Variants in UPB1 observed in about 807,000 individuals in gnomAD.
UPB1 encodes the protein beta-ureidopropionase 1, also known as beta-ureidopropionase.
A neutral mutation model predicts 49.1 loss-of-function variants in UPB1; 40 were observed. The observed-to-expected ratio is 0.81, with a 90% CI of 0.63 to 1.06. UPB1 has a LOEUF of 1.06. Ranked by LOEUF, UPB1 falls within the 50% of genes least tolerant of loss-of-function variation. The pLI, the probability that UPB1 is intolerant of heterozygous loss-of-function variation, is 0.00. For missense variants in UPB1, 499 were observed against 505.9 expected (o/e 0.99, Z 0.13); for synonymous variants, 207 against 198.2 (o/e 1.04, Z -0.38).
At position 24,515,260 on chromosome 22, in the gene UPB1, G is replaced by A. The variant is rs1347848752; in HGVS notation, c.681G>A (p.Arg227=). Residue 227 remains arginine (R), a synonymous_variant, in exon 6 of 10, where the codon AGG becomes AGA. Transcript: ENST00000326010. ...CCGTGTTCCAGACGCAGTTCGGAAG[G>A]ATCGCGGTGAACATTTGCTACGGGC... The part of the protein sequence containing the change: ...GHPVFQTQFG[R]IAVNICYGRH... 2 of 1,614,186 alleles carry A rather than the reference G, an allele frequency of 1.2e-6. No individual in the cohort carries two copies.
chr22:24,521,292 G>A (rs1293761311), intron 7 of UPB1, among the ~76,000 whole-genome samples: 1 of 151,802 alleles, frequency 6.6e-6, no homozygotes, highest in African/African-American at 2.4e-5. Flanking sequence ...GACCAGCCTG[G>A]CCAACATGGA....
intron 1 of UPB1, among the ~76,000 whole-genome samples, chr22:24,499,064 G>A (rs1397794547): frequency 3.3e-5 from 5 of 152,196 alleles, no homozygotes; most frequent in African/African-American, 1.2e-4. Context: ...ACCTGCTGGA[G>A]TGAAGGGAAC....
chr22:24,524,247 C>T (rs1044110024), intron 9 of UPB1, among the ~76,000 whole-genome samples: 1 of 152,134 alleles, frequency 6.6e-6, no homozygotes. Flanking sequence ...TCCTTGGTCA[C>T]CTTAATTAAG....
intron 5 of UPB1, among the ~76,000 whole-genome samples, 184 bp downstream of exon 5, chr22:24,513,669 A>G (rs1231758437): frequency 6.6e-6 from 1 of 152,226 alleles, no homozygotes; most frequent in Non-Finnish European, 1.5e-5. Context: ...TATATCACAC[A>G]GGCAGACAGG....
chr22:24,505,971 C>G (rs1037423026), intron 3 of UPB1, among the ~76,000 whole-genome samples: 17 of 150,382 alleles, frequency 1.1e-4, no homozygotes, highest in Admixed American at 4.0e-4. Context: ...CCTCAGCCTC[C>G]CAAAGTTCTG....
chr22:24,511,162 C>T (rs573315505), intron 4 of UPB1, among the ~76,000 whole-genome samples: 1 of 152,286 alleles, frequency 6.6e-6, no homozygotes, highest in Admixed American at 6.5e-5. Context: ...ACCAGAGAAG[C>T]CAGTTTCTCA....
chr22:24,515,100 T>C (rs1433041555), intron 5 of UPB1, 101 bp from the exon 6 acceptor site: 5 of 1,459,930 alleles, frequency 3.4e-6, no homozygotes, highest in Non-Finnish European at 3.8e-6. Flanking sequence ...CACTCAGGAG[T>C]GTAACCACCT....
intron 3 of UPB1, 29 bp from the exon 4 acceptor site, chr22:24,510,720 T>A (rs767631953): frequency 1.2e-6 from 2 of 1,610,360 alleles, no homozygotes; most frequent in Admixed American, 3.3e-5. Flanking sequence ...GCATGTTGGA[T>A]ATAATTCTGC....
At position 24,500,263 on chromosome 22, in the gene UPB1, C is replaced by T. The variant is rs766466298; in HGVS notation, c.261C>T (p.Ala87=). The change falls in exon 2 of 10, where the codon GCC becomes GCT. Residue 87 remains alanine (A), a synonymous_variant. Transcript: ENST00000326010. ...VQNRIPLPAN[A]PVAEQVSALH... is the part of the protein sequence containing the mutation. ...ACAGAATCCCCCTCCCCGCAAATGC[C>T]CCTGTGGCAGAACAGGTGCAGACTC... 4.3e-6 allele frequency: 7 copies of T among 1,614,140 alleles called. No homozygotes were observed. Among genetic ancestry groups the T allele is most frequent in the Admixed American group, 1.7e-5 (1 of 60,020 alleles).
At chr22:24,523,467 GAGAC>G (rs2044431277) in intron 8 of UPB1, 148 bp from the exon 9 acceptor site, 18 of 1,131,592 alleles carry the variant, frequency 1.6e-5, no homozygotes, top group Non-Finnish European at 2.2e-5. Context: ...CCTGAGATGA[GAGAC>G]AGGCCTTTTG....
chr22:24,500,208 C>T lies in UPB1; in HGVS notation c.206C>T (p.Pro69Leu). 5 of 1,614,210 alleles carry T rather than the reference C, an allele frequency of 3.1e-6. No individual in the cohort carries two copies. The highest frequency in any genetic ancestry group is 3.4e-6 in the Non-Finnish European group (4 of 1,180,036). The stretch of plus-strand genomic sequence containing the variant: ...GCAGCGGAGGAGCAGCTGAGACGAC[C>T]CCGCATTGTGCACGTGGGGCTGGTT... ...FEAAEEQLRR[P>L]RIVHVGLVQN... The change falls in exon 2 of 10, where the codon CCC becomes CTC. Residue 69 changes from proline (P) to leucine (L), a missense_variant. By Grantham distance (98) the Pro-to-Leu change is moderately conservative. Transcript: ENST00000326010.
At chr22:24,520,948 C>A (rs964443896) in intron 7 of UPB1, among the ~76,000 whole-genome samples, 1 of 151,994 alleles carries the variant, frequency 6.6e-6, no homozygotes, top group African/African-American at 2.4e-5. Flanking sequence ...TTTGGGAATC[C>A]GAGGCTGGCA....
At chr22:24,525,615 C>G in intron 9 of UPB1, 96 bp from the exon 10 acceptor site, 1 of 1,453,290 alleles carries the variant, frequency 6.9e-7, no homozygotes, top group Non-Finnish European at 9.7e-7. Flanking sequence ...CGTTCCTGCC[C>G]CATGACTGCC....
intron 1 of UPB1, 62 bp from the exon 2 acceptor site, chr22:24,500,045 G>C (rs1216030343): frequency 1.4e-5 from 23 of 1,610,468 alleles, no homozygotes; most frequent in Non-Finnish European, 1.6e-5. Flanking sequence ...AAATGGGAGA[G>C]AGATTTTAAG....
intron 3 of UPB1, among the ~76,000 whole-genome samples, chr22:24,504,723 C>CTTTTT (rs35606558): frequency 6.6e-4 from 61 of 91,776 alleles, no homozygotes; most frequent in Non-Finnish European, 8.3e-4. Context: ...GTATTTCCTC[C>CTTTTT]TTTTTTTTTT....
chr22:24,500,121 C>T lies in UPB1; in HGVS notation c.119C>T (p.Pro40Leu), dbSNP rs749819825. The change falls in exon 2 of 10, where the codon CCC becomes CTC. Residue 40 changes from proline (P) to leucine (L), a missense_variant. Pro to Leu is a moderately conservative substitution (Grantham distance 98). Transcript: ENST00000326010. ...TGCCCATCTAGGAAGCTTGATCTGC[C>T]CAGGGAAGCTTTCGAAGCTGCCTCC... is the stretch of plus-strand genomic sequence containing the variant. The part of the protein sequence containing the change: ...YGKELRKLDL[P>L]REAFEAASRE... 6.2e-6 allele frequency: 10 copies of T among 1,614,048 alleles called. No homozygotes were observed. In the East Asian group the frequency reaches 1.8e-4, roughly 29 times the overall value.
At chr22:24,509,911 A>G (rs2044166374) in intron 3 of UPB1, among the ~76,000 whole-genome samples, 1 of 152,144 alleles carries the variant, frequency 6.6e-6, no homozygotes. Flanking sequence ...GGCCTCTGAC[A>G]GCTATTCTAC....
At position 24,495,502 on chromosome 22, in the gene UPB1, A is replaced by G; in HGVS notation, c.99A>G (p.Glu33=). ...QEVKRVLYGK[E]LRKLDLPREA... The stretch of plus-strand genomic sequence containing the variant: ...TGAAGCGCGTTCTCTATGGCAAGGA[A>G]CTCAGGTCCGCAGCCAAGAGGCTAA... Residue 33 remains glutamate, a synonymous_variant, in exon 1 of 10, where the codon GAA becomes GAG. Coordinates refer to ENST00000326010, the MANE Select transcript of UPB1 (RefSeq NM_016327.3). 6.2e-7 allele frequency: 1 copy of G among 1,613,978 alleles called. No homozygotes were observed. The highest frequency in any genetic ancestry group is 1.1e-5 in the South Asian group (1 of 91,088).
chr22:24,521,921 G>C (rs368981382), intron 7 of UPB1, 65 bp from the exon 8 acceptor site: 1 of 1,558,142 alleles, frequency 6.4e-7, no homozygotes, highest in South Asian at 1.1e-5. Context: ...CTGGCTGAGT[G>C]AGCTGGAATG....
Sources: gnomAD v4.1 joint callset for allele counts (sites outside exome capture counted in the v4.1 genomes callset) on GRCh38, gnomAD v4.1.1 for gene constraint, MANE v1.5 for transcripts, NCBI Gene and HGNC (gene_info 2026-07-23, HGNC 2026-07-21) for gene names.